Variants in AAK1 observed in about 807,000 individuals in gnomAD.
AAK1 encodes the protein AP2 associated kinase 1, also known as AP2-associated protein kinase 1.
In AAK1, 37 loss-of-function variants were observed where a neutral mutation model predicts 116.0. The ratio of observed to expected loss-of-function variants is 0.32; its 90% CI spans 0.25 to 0.42. The LOEUF (loss-of-function observed/expected upper bound fraction) is 0.42, where lower values mean the gene tolerates loss of function less well. Among genes scored for constraint, AAK1 ranks in the 10% least tolerant of loss-of-function variants. The pLI is 1.00. For missense variants in AAK1, 919 were observed against 1,170.6 expected (o/e 0.79, Z 3.14); for synonymous variants, 458 against 439.9 (o/e 1.04, Z -0.51).
chr2:69,476,038 GA>G, intron 21 of AAK1, 75 bp from the exon 22 acceptor site: 1 of 1,430,628 alleles, frequency 7.0e-7, no homozygotes, highest in Non-Finnish European at 9.2e-7. Flanking sequence ...AAGCAAAGAA[GA>G]AAAACCAAAC....
intron 12 of AAK1, among the ~76,000 whole-genome samples, chr2:69,515,276 A>G (rs915235008): frequency 2.0e-5 from 3 of 152,190 alleles, no homozygotes; most frequent in Admixed American, 1.3e-4. Context: ...CATTTTTATT[A>G]AACTTCCTTA....
At chr2:69,623,194 ACT>A (rs762948505) in intron 2 of AAK1, among the ~76,000 whole-genome samples, 3 of 152,094 alleles carry the variant, frequency 2.0e-5, no homozygotes, top group Admixed American at 6.5e-5. Flanking sequence ...GAAGGAAGAA[ACT>A]CTGAACACAT....
chr2:69,530,517 T>C, intron 7 of AAK1, 108 bp downstream of exon 7: 1 of 861,188 alleles, frequency 1.2e-6, no homozygotes, highest in Non-Finnish European at 1.8e-6. Flanking sequence ...AAGTAGACCA[T>C]GATATGGTAC....
At position 69,529,376 on chromosome 2, in the gene AAK1, T is replaced by C. The variant is rs116334107; in HGVS notation, c.871+632A>G. 6.3e-3 allele frequency among the ~76,000 whole-genome samples: 952 copies of C among 152,158 alleles called. 5 individuals carry two copies. The highest frequency in any genetic ancestry group is 0.022 in the African/African-American group (917 of 41,468). ...TCTCTGCTTCTTTAGCATTTTAGTA[T>C]AGGGGCTTTGTGCAAATATTATTCT... On this transcript the variant is annotated intron_variant, in intron 8 of 21. Transcript: ENST00000409085.
chr2:69,486,039 C>T (rs751102082), intron 17 of AAK1, among the ~76,000 whole-genome samples: 1 of 151,876 alleles, frequency 6.6e-6, no homozygotes, highest in Non-Finnish European at 1.5e-5. Context: ...ACTGCAGCCT[C>T]GAACTCTCGG....
At position 69,480,896 on chromosome 2, in the gene AAK1, G is replaced by C; in HGVS notation, c.2533C>G (p.Pro845Ala). Residue 845 changes from proline to alanine, a missense_variant, in exon 19 of 22, where the codon CCA (proline) becomes GCA (alanine). Transcript: ENST00000409085. ...GLEPPVPQRLPSQTESVTSNR... is the reference protein window; with the variant it reads ...GLEPPVPQRLASQTESVTSNR... ...GAGGTCACAGATTCCGTCTGAGATG[G>C]GAGGCGCTGGGGAACTGGGGGCTCC... The C allele has an allele frequency of 6.2e-7, 1 of 1,606,588 alleles. No homozygotes were observed. The highest frequency in any genetic ancestry group is 1.7e-4 in the Middle Eastern group (1 of 6,056).
intron 2 of AAK1, among the ~76,000 whole-genome samples, chr2:69,557,721 AC>A (rs1347773393): frequency 4.6e-5 from 7 of 152,356 alleles, no homozygotes; most frequent in Non-Finnish European, 8.8e-5. Context: ...CAAACCAAAA[AC>A]ATTTTTAAAA....
At position 69,465,051 on chromosome 2, in the gene AAK1, T is replaced by C. The variant is rs1335569139; in HGVS notation, c.*10818A>G. The C allele has an allele frequency of 5.7e-6, 1 of 176,926 alleles. No homozygotes were observed. Among genetic ancestry groups the C allele is most frequent in the East Asian group, 1.6e-4 (1 of 6,446 alleles). 11.0% of individuals were successfully genotyped at this position (176,926 alleles called of 1,614,324 possible). On this transcript the variant is annotated 3_prime_UTR_variant, in exon 22 of 22. Transcript: ENST00000409085. The stretch of plus-strand genomic sequence containing the variant: ...GAACAGGAGCTACAGGAATTAAAAC[T>C]AGCAACAATAGGGCCCCTTTGGGAT...
chr2:69,598,224 A>G (rs1360507666), intron 2 of AAK1: 1 of 609,722 alleles, frequency 1.6e-6, no homozygotes, highest in African/African-American at 1.9e-5. Flanking sequence ...TTAGTAAAGT[A>G]TCTTTTAAAC....
chr2:69,479,693 C>G lies in AAK1; in HGVS notation c.2570-632G>C, dbSNP rs557881648. ...ACCCACAATGCCTCTAGCTAGTATT[C>G]TTTACATTGAAATTGGCCCTTTGAA... On this transcript the variant is annotated intron_variant, in intron 19 of 21. Coordinates refer to ENST00000409085, the MANE Select transcript of AAK1 (RefSeq NM_014911.5). 1.6e-4 allele frequency among the ~76,000 whole-genome samples: 24 copies of G among 152,276 alleles called. 1 individual carries two copies. The South Asian group carries it at 4.6e-3, about 29-fold the overall frequency.
Position 69,467,893 on chromosome 2 carries a change from CTA to C in AAK1, c.*7974_*7975del, listed in dbSNP as rs1467009343. 2.0e-6 allele frequency: 2 copies of C among 985,118 alleles called. No individual in the cohort carries two copies. The highest frequency in any genetic ancestry group is 1.1e-4 in the East Asian group (1 of 8,832). The allele number at this position is 985,118 out of a possible 1,614,324, so 61.0% of individuals were successfully genotyped here. ...TTTTATAAGATACTGTACAAAAATA[CTA>C]TGTTTCTCTGAATCCTATAACTTTT... is the stretch of plus-strand genomic sequence containing the variant. On this transcript the variant is annotated 3_prime_UTR_variant, in exon 22 of 22. Transcript: ENST00000409085.
chr2:69,633,332 G>C (rs1396036749), intron 2 of AAK1, among the ~76,000 whole-genome samples: 1 of 151,986 alleles, frequency 6.6e-6, no homozygotes, highest in East Asian at 1.9e-4. Context: ...GCCAGGCACG[G>C]TGGCTCACGC....
At position 69,472,190 on chromosome 2, in the gene AAK1, T is replaced by A; in HGVS notation, c.*3679A>T. On this transcript the variant is annotated 3_prime_UTR_variant, in exon 22 of 22. Transcript: ENST00000409085. The stretch of plus-strand genomic sequence containing the variant: ...TCTATTATAAGGTCCTCTCTGAGAA[T>A]TTTTTGTGGATTATCCTTTTTACTG... 1.0e-6 allele frequency: 1 copy of A among 981,894 alleles called. No individual in the cohort carries two copies. Among genetic ancestry groups the A allele is most frequent in the Non-Finnish European group, 1.2e-6 (1 of 826,692 alleles). The allele number at this position is 981,894 out of a possible 1,614,324, so 60.8% of individuals were successfully genotyped here.
At position 69,520,959 on chromosome 2, in the gene AAK1, GTC is replaced by G; in HGVS notation, c.1083_1084del (p.Glu361AspfsTer10). The G allele has an allele frequency of 6.2e-7, 1 of 1,613,966 alleles. No homozygotes were observed. Among genetic ancestry groups the G allele is most frequent in the Non-Finnish European group, 8.5e-7 (1 of 1,179,846 alleles). On this transcript the variant is annotated frameshift_variant, in exon 11 of 22. Transcript: ENST00000409085. LOFTEE classifies it high-confidence loss of function. ...AGGCCTCTGGCGGGGTGCAATTGAA[GTC>G]TCTGTGGTGGGAATGGGATCTGTCA...
intron 8 of AAK1, among the ~76,000 whole-genome samples, chr2:69,529,308 T>C (rs1670146565): frequency 6.6e-6 from 1 of 152,198 alleles, no homozygotes; most frequent in South Asian, 2.1e-4. Context: ...CAGTTAAAAC[T>C]TAGATGTTAA....
rs374987045 is a variant in AAK1 at position 69,507,536 on chromosome 2, T to C, written c.2049A>G (p.Gln683=). 3.1e-6 allele frequency: 5 copies of C among 1,612,470 alleles called. No homozygotes were observed. The African/African-American group carries it at 6.7e-5, about 21-fold the overall frequency. ...TTPSGSPRTS[Q]QNVYNPSEGS... Reference sequence around the variant, plus strand: ...CTTCTGAAGGATTATAAACGTTTTGTTGAGAGGTCCGAGGAGAGCCTGATG... The same window carrying C: ...CTTCTGAAGGATTATAAACGTTTTGCTGAGAGGTCCGAGGAGAGCCTGATG... Residue 683 remains glutamine (Q), a synonymous_variant, in exon 15 of 22, where the codon CAA becomes CAG. Coordinates refer to ENST00000409085, the MANE Select transcript of AAK1 (RefSeq NM_014911.5).
At chr2:69,602,785 A>G (rs1673635481) in intron 2 of AAK1, among the ~76,000 whole-genome samples, 1 of 152,186 alleles carries the variant, frequency 6.6e-6, no homozygotes, top group Non-Finnish European at 1.5e-5. Context: ...TGCCTCACAT[A>G]AACTAAGCTC....
intron 2 of AAK1, among the ~76,000 whole-genome samples, chr2:69,604,731 T>C (rs1017399762): frequency 6.6e-6 from 1 of 152,072 alleles, no homozygotes; most frequent in Non-Finnish European, 1.5e-5. Flanking sequence ...GGGCTGCACC[T>C]TAGGGTCCAA....
At chr2:69,559,607 C>T (rs1334923442) in intron 2 of AAK1, among the ~76,000 whole-genome samples, 1 of 152,214 alleles carries the variant, frequency 6.6e-6, no homozygotes, top group Non-Finnish European at 1.5e-5. Context: ...ACAAGAGTGG[C>T]ACTCCTAGAG....
Sources: gnomAD v4.1 joint callset for allele counts (sites outside exome capture counted in the v4.1 genomes callset) on GRCh38, gnomAD v4.1.1 for gene constraint, MANE v1.5 for transcripts, NCBI Gene and HGNC (gene_info 2026-07-23, HGNC 2026-07-21) for gene names.